The following RBM47 variants were observed in gnomAD, a reference collection of about 807,000 sequenced individuals.
RBM47 encodes the protein RNA-binding protein 47.
Under a neutral mutation model 47.1 loss-of-function variants are expected in RBM47, and 21 were observed. The observed-to-expected ratio is 0.45, with a 90% CI of 0.32 to 0.64. The LOEUF is 0.64. Among genes scored for constraint, RBM47 ranks in the 30% least tolerant of loss-of-function variants. The pLI is 0.05. For synonymous variants in RBM47, 375 were observed against 361.7 expected (o/e 1.04, Z -0.42); for missense variants, 708 against 870.9 (o/e 0.81, Z 2.35).
chr4:40,553,132 C>T (rs1729731670), intron 1 of RBM47, among the ~76,000 whole-genome samples: 2 of 147,490 alleles, frequency 1.4e-5, no homozygotes, highest in East Asian at 4.0e-4. Flanking sequence ...CACGCCCCAC[C>T]TCTGATTGCT....
At chr4:40,521,640 G>A (rs941493084) in intron 2 of RBM47, among the ~76,000 whole-genome samples, 1 of 152,156 alleles carries the variant, frequency 6.6e-6, no homozygotes, top group African/African-American at 2.4e-5. Flanking sequence ...AGAGTCACAG[G>A]CTACATTACT....
At chr4:40,600,506 C>CAT (rs1735160822) in intron 1 of RBM47, among the ~76,000 whole-genome samples, 5 of 150,896 alleles carry the variant, frequency 3.3e-5, no homozygotes, top group Admixed American at 3.3e-4. Context: ...TGGTGGCGGG[C>CAT]GCCTGTAGTC....
rs772469230 is a variant in RBM47 at position 40,437,760 on chromosome 4, C to A, written c.1123+11G>T. On this transcript the variant is annotated intron_variant, in intron 4 of 6. Coordinates refer to ENST00000295971, the MANE Select transcript of RBM47 (RefSeq NM_001098634.2). ...TTGGGGGCCCCACCCAGGAGAAGAGCCCCCACTAACCTTTCACAAAGTAGT... is the reference window on the plus strand; with the variant it reads ...TTGGGGGCCCCACCCAGGAGAAGAGACCCCACTAACCTTTCACAAAGTAGT... 3 of 1,587,454 alleles carry A rather than the reference C, an allele frequency of 1.9e-6. No homozygotes were observed. Among genetic ancestry groups the A allele is most frequent in the Non-Finnish European group, 2.6e-6 (3 of 1,160,600 alleles).
At chr4:40,535,757 A>T (rs1021323446) in intron 2 of RBM47, among the ~76,000 whole-genome samples, 3 of 151,972 alleles carry the variant, frequency 2.0e-5, no homozygotes, top group African/African-American at 4.8e-5. Flanking sequence ...ACTGGGTTTC[A>T]CCATGTTGAC....
Position 40,605,030 on chromosome 4 carries a change from T to C in RBM47, c.-240+24366A>G, listed in dbSNP as rs953357360. Among the ~76,000 whole-genome samples the C allele has an allele frequency of 2.0e-5, 3 of 151,690 alleles. No individual in the cohort carries two copies. In the East Asian group the frequency reaches 5.8e-4, roughly 30 times the overall value. Reference sequence around the variant, plus strand: ...GCACCTGGTCTTTTGTTGTTGTTGTTGTCGTGGTTGTTAAGGAGTTTCGCT... The same window carrying C: ...GCACCTGGTCTTTTGTTGTTGTTGTCGTCGTGGTTGTTAAGGAGTTTCGCT... On this transcript the variant is annotated intron_variant, in intron 1 of 6. Coordinates refer to ENST00000295971, the MANE Select transcript of RBM47 (RefSeq NM_001098634.2).
chr4:40,431,387 G>A (rs9990634), intron 6 of RBM47, among the ~76,000 whole-genome samples: 74,298 of 151,682 alleles, frequency 0.49, 19,882 homozygotes, highest in East Asian at 0.76. Context: ...GGCCGGGCGC[G>A]GTGGCTCACG....
intron 3 of RBM47, among the ~76,000 whole-genome samples, chr4:40,456,091 T>C (rs1716192914): frequency 6.6e-6 from 1 of 152,252 alleles, no homozygotes; most frequent in African/African-American, 2.4e-5. Flanking sequence ...TACTATGTTC[T>C]CTTTTATATT....
chr4:40,569,674 G>A (rs1217071186), intron 1 of RBM47, among the ~76,000 whole-genome samples: 2 of 150,822 alleles, frequency 1.3e-5, no homozygotes, highest in African/African-American at 4.9e-5. Flanking sequence ...CTCCCAAAGT[G>A]CTGGGATTAC....
chr4:40,616,220 G>A (rs1416847335), intron 1 of RBM47, among the ~76,000 whole-genome samples: 1 of 152,080 alleles, frequency 6.6e-6, no homozygotes, highest in Admixed American at 6.6e-5. Flanking sequence ...CGGGCATGGT[G>A]GCGGGCGCCT....
intron 6 of RBM47, among the ~76,000 whole-genome samples, chr4:40,429,297 C>T (rs911096007): frequency 2.0e-5 from 3 of 151,708 alleles, no homozygotes; most frequent in African/African-American, 7.3e-5. Flanking sequence ...AAGTTCTCTA[C>T]TTAATAAGGA....
At chr4:40,512,714 C>CAA (rs542452466) in intron 2 of RBM47, among the ~76,000 whole-genome samples, 155 of 43,268 alleles carry the variant, frequency 3.6e-3, no homozygotes, top group African/African-American at 0.011. Context: ...GACTTCATCT[C>CAA]AAAAAAAAAA....
chr4:40,593,883 CAAAAA>C (rs34280289), intron 1 of RBM47, among the ~76,000 whole-genome samples: 1 of 116,258 alleles, frequency 8.6e-6, no homozygotes, highest in Non-Finnish European at 1.7e-5. Flanking sequence ...GACTCTGTCT[CAAAAA>C]AAAAAAAAAA....
At position 40,561,227 on chromosome 4, in the gene RBM47, C is replaced by CTT. The variant is rs1176318537; in HGVS notation, c.-239-16723_-239-16722dup. Among the ~76,000 whole-genome samples the CTT allele has an allele frequency of 2.3e-3, 265 of 113,546 alleles. 2 individuals carry two copies. Among genetic ancestry groups the CTT allele is most frequent in the Non-Finnish European group, 2.7e-3 (154 of 56,040 alleles). 74.5% of individuals were successfully genotyped at this position (113,546 alleles called of 152,430 possible). On this transcript the variant is annotated intron_variant, in intron 1 of 6. Transcript: ENST00000295971. ...CTTTCTGGGACTATTTTTCCATTGT[C>CTT]TTTTTTTTTTTTTTTTTTTTTGAGA...
intron 2 of RBM47, chr4:40,543,272 G>A (rs1229027065): frequency 6.6e-6 from 1 of 152,114 alleles, no homozygotes; most frequent in African/African-American, 2.4e-5. Flanking sequence ...GAGTCACTCT[G>A]GGACATAGCA....
chr4:40,464,840 G>A (rs1217974516), intron 3 of RBM47, among the ~76,000 whole-genome samples: 6 of 127,582 alleles, frequency 4.7e-5, no homozygotes, highest in African/African-American at 1.2e-4. Context: ...GCAGTGAGCC[G>A]AGATCGCGCC....
intron 1 of RBM47, among the ~76,000 whole-genome samples, chr4:40,602,238 T>C (rs1409962257): frequency 1.3e-5 from 2 of 151,874 alleles, no homozygotes; most frequent in Non-Finnish European, 2.9e-5. Flanking sequence ...CTATGGAGAC[T>C]GGGAATAATT....
chr4:40,430,431 C>T (rs1230117373), intron 6 of RBM47, among the ~76,000 whole-genome samples: 1 of 152,178 alleles, frequency 6.6e-6, no homozygotes, highest in Non-Finnish European at 1.5e-5. Context: ...CCACTAAGTA[C>T]TGCTGCTACG....
intron 4 of RBM47, 54 bp from the exon 5 acceptor site, chr4:40,436,701 G>A: frequency 6.4e-7 from 1 of 1,557,636 alleles, no homozygotes; most frequent in African/African-American, 1.4e-5. Flanking sequence ...GGTGCTGGAG[G>A]CAGACCTCAG....
At chr4:40,480,126 C>T (rs547936473) in intron 2 of RBM47, among the ~76,000 whole-genome samples, 8 of 151,536 alleles carry the variant, frequency 5.3e-5, no homozygotes, top group Non-Finnish European at 8.8e-5. Context: ...TACAGGTGTC[C>T]GCCACCATGC....
Sources: gnomAD v4.1 joint callset for allele counts (sites outside exome capture counted in the v4.1 genomes callset) on GRCh38, gnomAD v4.1.1 for gene constraint, MANE v1.5 for transcripts, NCBI Gene and HGNC (gene_info 2026-07-23, HGNC 2026-07-21) for gene names.